Variants in NOS2 observed in about 807,000 individuals in gnomAD.
NOS2 encodes the protein nitric oxide synthase, inducible.
In NOS2, 96 loss-of-function variants were observed where a neutral mutation model predicts 136.0. That is an observed-to-expected ratio of 0.71 (90% CI 0.60 to 0.84). The LOEUF is 0.84. Among genes scored for constraint, NOS2 ranks in the 40% least tolerant of loss-of-function variants. The pLI is 0.00. For synonymous variants in NOS2, 539 were observed against 587.5 expected, an observed-to-expected ratio of 0.92 and a Z score of 1.20; for missense variants, 1,237 against 1,496.9, an observed-to-expected ratio of 0.83 and a Z score of 2.87.
rs754624745 is a variant in NOS2 at position 27,760,097 on chromosome 17, T to G, written c.3092A>C (p.Glu1031Ala). Reference protein sequence around the residue: ...EDHIYQEEMLEMAQKGVLHAV... With the variant: ...EDHIYQEEMLAMAQKGVLHAV... Reference sequence around the variant, plus strand: ...ATGCAGCACCCCCTTCTGGGCCATCTCCAGCATCTCCTCCTGGTAGATGTG... The same window carrying G: ...ATGCAGCACCCCCTTCTGGGCCATCGCCAGCATCTCCTCCTGGTAGATGTG... The change falls in exon 25 of 27, where the codon GAG becomes GCG. Residue 1031 changes from glutamate (E) to alanine (A), a missense_variant. Physicochemically the swap from Glu to Ala is moderately radical, Grantham distance 107. Around this residue, in one of 3 missense-constraint regions of NOS2, gnomAD observed 782 missense variants for 909.9 expected, o/e 0.86. Coordinates refer to ENST00000313735, the MANE Select transcript of NOS2 (RefSeq NM_000625.4). 6.2e-6 allele frequency: 10 copies of G among 1,606,488 alleles called. No homozygotes were observed. The Admixed American group carries it at 1.7e-4, about 27-fold the overall frequency.
intron 13 of NOS2, among the ~76,000 whole-genome samples, 175 bp downstream of exon 13, chr17:27,772,986 G>A (rs1908544539): frequency 6.6e-6 from 1 of 152,184 alleles, no homozygotes; most frequent in South Asian, 2.1e-4. Flanking sequence ...AGTGAGCTGT[G>A]ATGGCACCAC....
chr17:27,789,391 G>A (rs1354858353), intron 3 of NOS2, among the ~76,000 whole-genome samples: 2 of 152,126 alleles, frequency 1.3e-5, no homozygotes, highest in African/African-American at 2.4e-5. Flanking sequence ...CACCTTGGGG[G>A]CCACCACTCC....
chr17:27,790,778 C>T (rs182690670), intron 2 of NOS2, among the ~76,000 whole-genome samples: 150 of 152,228 alleles, frequency 9.9e-4, no homozygotes, highest in African/African-American at 3.3e-3. Flanking sequence ...ATTCTGAAAC[C>T]GGTCAGAAAC....
chr17:27,766,487 C>T lies in NOS2; in HGVS notation c.2246+23G>A, dbSNP rs28944174. 336 of 1,594,424 alleles carry T rather than the reference C, an allele frequency of 2.1e-4. No individual in the cohort carries two copies. The East Asian group carries it at 5.7e-3, about 27-fold the overall frequency. On this transcript the variant is annotated intron_variant, in intron 19 of 26. Coordinates refer to ENST00000313735, the MANE Select transcript of NOS2 (RefSeq NM_000625.4). ...AATAAAATCGACAGAGTATCACCCA[C>T]GAAGCCCTGCACTTTCCCTTACCTG... is the stretch of plus-strand genomic sequence containing the variant.
chr17:27,789,354 C>T (rs993298979), intron 3 of NOS2, among the ~76,000 whole-genome samples: 1 of 152,190 alleles, frequency 6.6e-6, no homozygotes, highest in Non-Finnish European at 1.5e-5. Context: ...GGTATGGAAC[C>T]CAGGAGATAG....
At chr17:27,762,242 C>A (rs1908155924) in intron 22 of NOS2, among the ~76,000 whole-genome samples, 1 of 152,218 alleles carries the variant, frequency 6.6e-6, no homozygotes, top group Non-Finnish European at 1.5e-5. Flanking sequence ...CCACTGCCGC[C>A]TCTAGATGCT....
intron 1 of NOS2, among the ~76,000 whole-genome samples, 198 bp from the exon 2 acceptor site, chr17:27,799,080 A>G (rs1352350627): frequency 6.6e-6 from 1 of 151,880 alleles, no homozygotes; most frequent in Non-Finnish European, 1.5e-5. Context: ...AAAGCCACCT[A>G]ATAATCTTAA....
intron 11 of NOS2, among the ~76,000 whole-genome samples, chr17:27,777,444 C>A (rs1908694587): frequency 6.6e-6 from 1 of 152,104 alleles, no homozygotes; most frequent in Non-Finnish European, 1.5e-5. Flanking sequence ...TACACAGGAG[C>A]CCAGCGGCTG....
At chr17:27,791,776 ACAAAACAAAACAAAACAAAAC>A (rs1909197025) in intron 2 of NOS2, among the ~76,000 whole-genome samples, 1 of 137,026 alleles carries the variant, frequency 7.3e-6, no homozygotes, top group African/African-American at 2.9e-5. Flanking sequence ...CCAGAAAAAA[ACAAAACAAAACAAAACAAAAC>A]AAAACAAAAA....
intron 5 of NOS2, among the ~76,000 whole-genome samples, chr17:27,786,302 T>C (rs1296297184): frequency 6.6e-6 from 1 of 151,752 alleles, no homozygotes; most frequent in Non-Finnish European, 1.5e-5. Flanking sequence ...GGCACACACC[T>C]ATAGTCCCAG....
At chr17:27,758,474 G>A (rs1435894992) in intron 26 of NOS2, among the ~76,000 whole-genome samples, 2 of 152,192 alleles carry the variant, frequency 1.3e-5, no homozygotes, top group East Asian at 1.9e-4. Flanking sequence ...GGGGGGATGA[G>A]GGTGAGCAGA....
chr17:27,767,924 A>G lies in NOS2; in HGVS notation c.2035-87T>C, dbSNP rs1908360963. 1.9e-6 allele frequency: 3 copies of G among 1,547,580 alleles called. No homozygotes were observed. In the Admixed American group the frequency reaches 5.1e-5, roughly 26 times the overall value. ...GGCTACCACTTTTTAGGCCCTTACCATGGGCCAAACACTGAGCCGTGTGTT... is the reference window on the plus strand; with the variant it reads ...GGCTACCACTTTTTAGGCCCTTACCGTGGGCCAAACACTGAGCCGTGTGTT... On this transcript the variant is annotated intron_variant, in intron 17 of 26. Coordinates refer to ENST00000313735, the MANE Select transcript of NOS2 (RefSeq NM_000625.4).
rs758847346 is a variant in NOS2, at chr17:27,766,572, A to G, written c.2184T>C (p.His728=). Residue 728 remains histidine (H), a synonymous_variant, in exon 19 of 27, where the codon CAT becomes CAC. Coordinates refer to ENST00000313735, the MANE Select transcript of NOS2 (RefSeq NM_000625.4). ...GCCTCATGGTGAACACGTTCTTGGC[A>G]TGCATGCTGCTGAGGGCTGTGGAGG... ...LDLSKALSSM[H]AKNVFTMRLK... 1.2e-6 allele frequency: 2 copies of G among 1,614,138 alleles called. No individual in the cohort carries two copies. The highest frequency in any genetic ancestry group is 1.7e-6 in the Non-Finnish European group (2 of 1,180,000).
chr17:27,775,550 C>T (rs1186421799), intron 11 of NOS2, among the ~76,000 whole-genome samples: 2 of 152,008 alleles, frequency 1.3e-5, no homozygotes, highest in African/African-American at 4.8e-5. Flanking sequence ...TGCAGTGAGC[C>T]GAGATCGCAC....
At chr17:27,793,549 C>T (rs1300551869) in intron 2 of NOS2, 16 of 397,092 alleles carry the variant, frequency 4.0e-5, no homozygotes, top group Non-Finnish European at 5.3e-5. Context: ...TCGGAGCCCA[C>T]CGCTTCCCTC....
chr17:27,771,884 T>C (rs1276932965), intron 14 of NOS2, among the ~76,000 whole-genome samples: 2 of 152,080 alleles, frequency 1.3e-5, no homozygotes, highest in Non-Finnish European at 2.9e-5. Flanking sequence ...TCCCTAAGAG[T>C]TGGATTTTAT....
Position 27,765,654 on chromosome 17 carries a change from C to G in NOS2, c.2309G>C (p.Gly770Ala). The change falls in exon 20 of 27, where the codon GGG becomes GCG. Residue 770 changes from glycine to alanine, a missense_variant. Around this residue, in one of 3 missense-constraint regions of NOS2, gnomAD observed 782 missense variants for 909.9 expected, o/e 0.86. Coordinates refer to ENST00000313735, the MANE Select transcript of NOS2 (RefSeq NM_000625.4). ...EDGQGLNYLP[G>A]EHLGVCPGNQ... Reference sequence around the variant, plus strand: ...GCCTGGGCAAACCCCAAGGTGCTCCCCCGGCAGGTAGTTCAGGCCTTGGCC... The same window carrying G: ...GCCTGGGCAAACCCCAAGGTGCTCCGCCGGCAGGTAGTTCAGGCCTTGGCC... 6.2e-7 allele frequency: 1 copy of G among 1,613,490 alleles called. No homozygotes were observed.
chr17:27,773,193 C>T lies in NOS2; in HGVS notation c.1527G>A (p.Lys509=). The change falls in exon 13 of 27, where the codon AAG becomes AAA. Residue 509 remains lysine, a synonymous_variant. Coordinates refer to ENST00000313735, the MANE Select transcript of NOS2 (RefSeq NM_000625.4). ...AGACTTTCAATGGAATCTCTCTTCT[C>T]TTGGGTCTCCGCTTCTCGTCCTGCC... ...HVWQDEKRRP[K]RREIPLKVLV... is the part of the protein sequence containing the mutation. The T allele has an allele frequency of 2.5e-6, 4 of 1,614,178 alleles. No homozygotes were observed. Among genetic ancestry groups the T allele is most frequent in the Non-Finnish European group, 3.4e-6 (4 of 1,179,986 alleles).
intron 9 of NOS2, 42 bp downstream of exon 9, chr17:27,780,725 G>T (rs745358819): frequency 2.8e-5 from 45 of 1,613,592 alleles, no homozygotes; most frequent in African/African-American, 4.0e-5. Context: ...GAAGGGCTGT[G>T]TGTTGACTCG....
Sources: gnomAD v4.1 joint callset for allele counts (sites outside exome capture counted in the v4.1 genomes callset) on GRCh38, gnomAD v4.1.1 for gene constraint, gnomAD v4.1.1 regional missense constraint, MANE v1.5 for transcripts, NCBI Gene and HGNC (gene_info 2026-07-23, HGNC 2026-07-21) for gene names.